CBFA2T3: variants seen among roughly 807,000 people sequenced by gnomAD.
CBFA2T3 encodes CBFA2/RUNX1 partner transcriptional co-repressor 3, also known as transcriptional corepressor CBFA2T3.
Under a neutral mutation model 58.6 loss-of-function variants are expected in CBFA2T3, and 31 were observed. The ratio of observed to expected loss-of-function variants is 0.53; its 90% confidence interval spans 0.40 to 0.71. CBFA2T3 has a LOEUF of 0.71. Among genes scored for constraint, CBFA2T3 ranks in the 30% least tolerant of loss-of-function variants. The pLI is 0.00. For missense variants in CBFA2T3, 1,076 were observed against 963.1 expected, an observed-to-expected ratio of 1.12 and a Z score of -1.55; for synonymous variants, 531 against 421.9, an observed-to-expected ratio of 1.26 and a Z score of -3.17.
chr16:88,899,928 A>G (rs891396696), intron 2 of CBFA2T3, among the ~76,000 whole-genome samples: 33 of 152,198 alleles, frequency 2.2e-4, no homozygotes, highest in African/African-American at 7.9e-4. Context: ...TGCCTGGTAG[A>G]GAGACGGCCC....
intron 1 of CBFA2T3, among the ~76,000 whole-genome samples, chr16:88,947,104 G>T (rs745493692): frequency 3.9e-5 from 6 of 152,222 alleles, no homozygotes; most frequent in Non-Finnish European, 7.3e-5. Flanking sequence ...TTAATGAAAA[G>T]GTGTCAGTAT....
At position 88,975,203 on chromosome 16, in the gene CBFA2T3, A is replaced by G. The variant is rs12932150; in HGVS notation, c.151+1454T>C. Among the ~76,000 whole-genome samples the G allele has an allele frequency of 5.1e-3, 563 of 109,398 alleles. 3 individuals carry two copies. The highest frequency in any genetic ancestry group is 0.017 in the Middle Eastern group (3 of 180). The allele number at this position is 109,398 out of a possible 152,430, so 71.8% of individuals were successfully genotyped here. The stretch of plus-strand genomic sequence containing the variant: ...ACATCTTTAGCCATGTCAGAGGTCC[A>G]CCCTGACCCTCTGCTCCTCACCTGC... On this transcript the variant is annotated intron_variant, in intron 1 of 11. Coordinates refer to ENST00000268679, the MANE Select transcript of CBFA2T3 (RefSeq NM_005187.6).
intron 1 of CBFA2T3, among the ~76,000 whole-genome samples, chr16:88,906,832 G>A (rs73254246): frequency 0.017 from 2,662 of 152,292 alleles, 91 homozygotes; most frequent in African/African-American, 0.061. Context: ...GAGATTAAAC[G>A]GTCCCGATGC....
rs751972114 is a variant in CBFA2T3, at chr16:88,881,451, C to T, written c.1242G>A (p.Arg414=). 7 of 1,609,758 alleles carry T rather than the reference C, an allele frequency of 4.3e-6. No homozygotes were observed. The highest frequency in any genetic ancestry group is 5.9e-6 in the Non-Finnish European group (7 of 1,178,360). ...NCIMDMVEKT[R]RSLTVLRRCQ... is the part of the protein sequence containing the mutation. ...ACCTGCGCAGCACCGTGAGCGAGCG[C>T]CGCGTCTTCTCCACCATGTCCATGA... Residue 414 remains arginine, a synonymous_variant, in exon 9 of 12, where the codon CGG becomes CGA. Transcript: ENST00000268679.
intron 3 of CBFA2T3, among the ~76,000 whole-genome samples, chr16:88,895,317 A>G (rs770612247): frequency 6.6e-6 from 1 of 152,086 alleles, no homozygotes; most frequent in Non-Finnish European, 1.5e-5. Context: ...CCTTCCCAGA[A>G]GCCGCCTGAG....
chr16:88,964,913 C>CATCCATCCATCCACCATCTATCCACTT (rs1972458212), intron 1 of CBFA2T3, among the ~76,000 whole-genome samples: 22 of 2,570 alleles, frequency 8.6e-3, no homozygotes, highest in Non-Finnish European at 0.019. Flanking sequence ...TCCACTTATC[C>CATCCATCCATCCACCATCTATCCACTT]ATCCATCCAT....
chr16:88,892,815 C>T (rs529152498), intron 3 of CBFA2T3, among the ~76,000 whole-genome samples: 1 of 152,328 alleles, frequency 6.6e-6, no homozygotes, highest in Admixed American at 6.5e-5. Flanking sequence ...TGGGATGGCA[C>T]CCACAATGGT....
chr16:88,970,989 T>C (rs1972641803), intron 1 of CBFA2T3, among the ~76,000 whole-genome samples: 1 of 150,946 alleles, frequency 6.6e-6, no homozygotes, highest in Non-Finnish European at 1.5e-5. Context: ...TCGGGAGGCT[T>C]GTGGAGCCGC....
At chr16:88,932,096 A>G (rs896554990) in intron 1 of CBFA2T3, among the ~76,000 whole-genome samples, 3 of 152,070 alleles carry the variant, frequency 2.0e-5, no homozygotes, top group Admixed American at 1.3e-4. Flanking sequence ...CGCCCCTGGC[A>G]ACGGCACCCG....
intron 5 of CBFA2T3, among the ~76,000 whole-genome samples, chr16:88,890,643 C>T (rs1039777937): frequency 1.1e-4 from 17 of 152,238 alleles, no homozygotes; most frequent in African/African-American, 3.6e-4. Flanking sequence ...CTCCACGGCA[C>T]TCCCGTGCCC....
At chr16:88,890,194 CCT>C (rs1286654261) in intron 5 of CBFA2T3, among the ~76,000 whole-genome samples, 4 of 152,192 alleles carry the variant, frequency 2.6e-5, no homozygotes, top group Admixed American at 6.5e-5. Flanking sequence ...GGAAGATTCC[CCT>C]GAGCCCGGGA....
At chr16:88,896,099 G>A (rs552125355) in intron 3 of CBFA2T3, among the ~76,000 whole-genome samples, 26 of 152,308 alleles carry the variant, frequency 1.7e-4, no homozygotes, top group African/African-American at 5.5e-4. Context: ...TTTATGGGTC[G>A]GGTGTTGTGT....
chr16:88,975,706 A>G (rs1224792931), intron 1 of CBFA2T3, among the ~76,000 whole-genome samples: 2 of 152,258 alleles, frequency 1.3e-5, no homozygotes, highest in African/African-American at 4.8e-5. Flanking sequence ...TCCTGCTCAC[A>G]TCTGGGGCCC....
At position 88,950,421 on chromosome 16, in the gene CBFA2T3, G is replaced by C. The variant is rs372588664; in HGVS notation, c.151+26236C>G. ...TTCACCCGTCCCCTGGACCGGCACC[G>C]GCACAGAGGGTCAGAGTGTTGGCAC... is the stretch of plus-strand genomic sequence containing the variant. On this transcript the variant is annotated intron_variant, in intron 1 of 11. Transcript: ENST00000268679. The C allele has an allele frequency of 1.2e-3, 517 of 427,092 alleles. 8 individuals are homozygous for C. Among genetic ancestry groups the C allele is most frequent in the East Asian group, 9.8e-3 (128 of 13,128 alleles). 26.5% of individuals were successfully genotyped at this position (427,092 alleles called of 1,614,324 possible).
At chr16:88,974,879 C>T (rs1972758515) in intron 1 of CBFA2T3, among the ~76,000 whole-genome samples, 1 of 152,172 alleles carries the variant, frequency 6.6e-6, no homozygotes, top group Non-Finnish European at 1.5e-5. Context: ...CCCTGGGGTA[C>T]AGGATGAGAA....
chr16:88,943,501 A>C (rs946449750), intron 1 of CBFA2T3, among the ~76,000 whole-genome samples: 2 of 151,984 alleles, frequency 1.3e-5, no homozygotes, highest in Admixed American at 6.5e-5. Flanking sequence ...CCTCCTCCCT[A>C]CTCAGGAGAG....
Position 88,917,475 on chromosome 16 carries a change from G to A in CBFA2T3, c.152-15819C>T, listed in dbSNP as rs1373551140. 2.0e-5 allele frequency among the ~76,000 whole-genome samples: 3 copies of A among 152,346 alleles called. No individual in the cohort carries two copies. In the East Asian group the frequency reaches 5.8e-4, roughly 29 times the overall value. On this transcript the variant is annotated intron_variant, in intron 1 of 11. Transcript: ENST00000268679. ...GGGAAGGCTCAGCTGTCTGCGGAGG[G>A]TCTGGAAACCCCTGGAAACCTGAGG...
At chr16:88,918,267 G>C (rs1311658083) in intron 1 of CBFA2T3, among the ~76,000 whole-genome samples, 1 of 152,258 alleles carries the variant, frequency 6.6e-6, no homozygotes, top group Non-Finnish European at 1.5e-5. Flanking sequence ...GAGGCACCAA[G>C]CTGGGCCCTC....
At position 88,887,908 on chromosome 16, in the gene CBFA2T3, A is replaced by G. The variant is rs1969446800; in HGVS notation, c.712-1766T>C. The stretch of plus-strand genomic sequence containing the variant: ...GCGGCGGTGGCTGAGGCACTAGTTG[A>G]GCTACAAGGGCTTTCGCGGACTCCG... On this transcript the variant is annotated intron_variant, in intron 5 of 11. Transcript: ENST00000268679. Among the ~76,000 whole-genome samples the G allele has an allele frequency of 2.0e-5, 3 of 152,160 alleles. No homozygotes were observed. In the South Asian group the frequency reaches 6.2e-4, roughly 31 times the overall value.
Sources: gnomAD v4.1 joint callset for allele counts (sites outside exome capture counted in the v4.1 genomes callset) on GRCh38, gnomAD v4.1.1 for gene constraint, MANE v1.5 for transcripts, NCBI Gene and HGNC (gene_info 2026-07-23, HGNC 2026-07-21) for gene names.